Variants in ZNF675 observed in about 807,000 individuals in gnomAD.
ZNF675 encodes the protein TRAF6 inhibitory zinc finger.
ZNF675 carries 36 observed loss-of-function variants against 56.1 expected under a neutral mutation model. That is an observed-to-expected ratio of 0.64 (90% CI 0.49 to 0.85). The LOEUF (loss-of-function observed/expected upper bound fraction) is 0.85. ZNF675 is among the 40% of genes least tolerant of loss of function. ZNF675 has a pLI of 0.00. For synonymous variants in ZNF675, 200 were observed against 218.9 expected, an observed-to-expected ratio of 0.91 and a Z score of 0.76; for missense variants, 663 against 654.2, an observed-to-expected ratio of 1.01 and a Z score of -0.15.
At chr19:23,666,764 C>T (rs1968155669) in intron 1 of ZNF675, among the ~76,000 whole-genome samples, 1 of 101,166 alleles carries the variant, frequency 9.9e-6, no homozygotes, top group Non-Finnish European at 2.2e-5. Context: ...ACAGGGAAGT[C>T]TTTCTCTCTT....
chr19:23,684,477 T>G (rs1166197175), intron 1 of ZNF675, among the ~76,000 whole-genome samples: 1 of 150,930 alleles, frequency 6.6e-6, no homozygotes, highest in African/African-American at 2.4e-5. Context: ...AAACCCCGTT[T>G]CTACTAAAAA....
At chr19:23,658,222 G>T (rs929094612) in intron 3 of ZNF675, among the ~76,000 whole-genome samples, 3 of 151,898 alleles carry the variant, frequency 2.0e-5, no homozygotes, top group African/African-American at 7.3e-5. Context: ...TTAGCCAGGT[G>T]TGGTGGCGCA....
chr19:23,665,787 T>C (rs1473814018), intron 1 of ZNF675, among the ~76,000 whole-genome samples: 1 of 152,124 alleles, frequency 6.6e-6, no homozygotes, highest in Non-Finnish European at 1.5e-5. Context: ...GCATGAGCCA[T>C]GGCAGCCAGC....
intron 3 of ZNF675, among the ~76,000 whole-genome samples, chr19:23,659,521 T>C (rs1043698863): frequency 6.6e-6 from 1 of 152,172 alleles, no homozygotes; most frequent in Non-Finnish European, 1.5e-5. Flanking sequence ...GCCTGAATTA[T>C]GTATGTAGCA....
chr19:23,683,734 T>C (rs1342724037), intron 1 of ZNF675, among the ~76,000 whole-genome samples: 4 of 152,160 alleles, frequency 2.6e-5, no homozygotes, highest in Admixed American at 6.5e-5. Flanking sequence ...TTCTTTTCCT[T>C]AGTAGGATTC....
At chr19:23,683,719 C>T (rs553130408) in intron 1 of ZNF675, among the ~76,000 whole-genome samples, 1 of 152,268 alleles carries the variant, frequency 6.6e-6, no homozygotes, top group South Asian at 2.1e-4. Context: ...CCCACCTGGC[C>T]CTTATTCTTT....
intron 1 of ZNF675, among the ~76,000 whole-genome samples, chr19:23,667,218 G>T (rs1030534365): frequency 1.3e-5 from 2 of 152,210 alleles, no homozygotes; most frequent in Non-Finnish European, 1.5e-5. Flanking sequence ...TGGGCTCGTG[G>T]TGTCACTGGC....
chr19:23,657,875 T>C lies in ZNF675; in HGVS notation c.227-3169A>G, dbSNP rs146231754. The stretch of plus-strand genomic sequence containing the variant: ...ACATATGTAATCTGATTGGGATAGA[T>C]ATGTGGCTGATTTATTTCTTAATTA... On this transcript the variant is annotated intron_variant, in intron 3 of 3. Transcript: ENST00000359788. 2.0e-5 allele frequency among the ~76,000 whole-genome samples: 3 copies of C among 152,286 alleles called. No individual in the cohort carries two copies. The East Asian group carries it at 5.8e-4, about 29-fold the overall frequency.
chr19:23,662,206 A>G lies in ZNF675; in HGVS notation c.134T>C (p.Ile45Thr). Residue 45 changes from isoleucine (I) to threonine (T), a missense_variant, in exon 3 of 4, where the codon ATT becomes ACT. Around this residue, in one of 3 missense-constraint regions of ZNF675, gnomAD observed 13 missense variants for 31.8 expected, o/e 0.41. Transcript: ENST00000359788. ...GATCAGGTCTTGCTTAGAGACAGCAATACCTGTTTTATTAAAAAATAAATA... is the reference window on the plus strand; with the variant it reads ...GATCAGGTCTTGCTTAGAGACAGCAGTACCTGTTTTATTAAAAAATAAATA... ...ENYRNLVFLG[I>T]AVSKQDLITC... is the part of the protein sequence containing the mutation. 5 of 1,606,414 alleles carry G rather than the reference A, an allele frequency of 3.1e-6. No homozygotes were observed. The highest frequency in any genetic ancestry group is 4.3e-6 in the Non-Finnish European group (5 of 1,175,834).
At chr19:23,658,992 G>T (rs9676868) in intron 3 of ZNF675, among the ~76,000 whole-genome samples, 124,162 of 127,948 alleles carry the variant, frequency 0.97, 60,415 homozygotes, top group Middle Eastern at 1. Context: ...GATAGAGATC[G>T]AGATCTATAT....
chr19:23,665,232 C>A (rs1968134047), intron 1 of ZNF675, among the ~76,000 whole-genome samples: 1 of 151,476 alleles, frequency 6.6e-6, no homozygotes, highest in South Asian at 2.1e-4. Flanking sequence ...ATAATCCCAG[C>A]TACTCAGGAG....
At chr19:23,666,445 G>C (rs1913874675) in intron 1 of ZNF675, among the ~76,000 whole-genome samples, 1 of 152,254 alleles carries the variant, frequency 6.6e-6, no homozygotes, top group African/African-American at 2.4e-5. Context: ...TGAGCACCAA[G>C]TGGCCAATGG....
Position 23,662,110 on chromosome 19 carries a change from T to C in ZNF675, c.226+4A>G, listed in dbSNP as rs1423620315. Reference sequence around the variant, plus strand: ...CTGTTGTATTCACTTTCATTCTCACTTACCTGGGGGTTCATTCACCATCTC... The same window carrying C: ...CTGTTGTATTCACTTTCATTCTCACCTACCTGGGGGTTCATTCACCATCTC... On this transcript the variant is annotated splice_donor_region_variant and intron_variant, in intron 3 of 3. Transcript: ENST00000359788. 1.2e-6 allele frequency: 2 copies of C among 1,610,268 alleles called. No individual in the cohort carries two copies. The highest frequency in any genetic ancestry group is 1.7e-6 in the Non-Finnish European group (2 of 1,176,756).
chr19:23,662,675 G>A (rs1463521423), intron 2 of ZNF675, among the ~76,000 whole-genome samples: 8 of 152,190 alleles, frequency 5.3e-5, no homozygotes, highest in Middle Eastern at 3.4e-3. Context: ...AAACCTTTAC[G>A]GTATATTAGA....
chr19:23,686,176 T>C (rs996977135), intron 1 of ZNF675: 40 of 152,216 alleles, frequency 2.6e-4, no homozygotes, highest in Admixed American at 1.8e-3. Flanking sequence ...CTTCATCATG[T>C]ACCTTTAAAA....
chr19:23,655,247 A>T (rs2144917803), intron 3 of ZNF675: 1 of 152,300 alleles, frequency 6.6e-6, no homozygotes, highest in South Asian at 2.1e-4. Context: ...AAAAAAAAAA[A>T]AAAAGTAAAT....
At chr19:23,662,048 CTTTCTCT>C in intron 3 of ZNF675, 59 bp downstream of exon 3, 1 of 1,187,538 alleles carries the variant, frequency 8.4e-7, no homozygotes, top group Non-Finnish European at 1.2e-6. Flanking sequence ...TAAGGACTGG[CTTTCTCT>C]TTGACCTTTG....
intron 1 of ZNF675, 39 bp from the exon 2 acceptor site, chr19:23,663,197 C>A (rs1968104218): frequency 6.3e-7 from 1 of 1,575,718 alleles, no homozygotes; most frequent in East Asian, 2.3e-5. Context: ...CACCAGGTAG[C>A]CAACAGAGAT....
chr19:23,666,991 C>T (rs1346261846), intron 1 of ZNF675, among the ~76,000 whole-genome samples: 1 of 152,170 alleles, frequency 6.6e-6, no homozygotes, highest in Admixed American at 6.5e-5. Context: ...CTTGGTCTCA[C>T]TGACTTCAAC....
Sources: allele counts gnomAD v4.1 joint callset (sites outside exome capture counted in the v4.1 genomes callset), GRCh38; gene constraint gnomAD v4.1.1; regional missense constraint gnomAD v4.1.1; transcripts MANE v1.5; gene names NCBI Gene and HGNC (gene_info 2026-07-23, HGNC 2026-07-21).